The following ADGRL3 variants were observed in gnomAD, a reference collection of about 807,000 sequenced individuals.
ADGRL3 encodes the protein adhesion G protein-coupled receptor L3.
In ADGRL3, 62 loss-of-function variants were observed where a neutral mutation model predicts 153.5. The observed-to-expected ratio is 0.40, with a 90% CI of 0.33 to 0.50. ADGRL3 has a LOEUF of 0.50. ADGRL3 is among the 20% of genes least tolerant of loss of function. ADGRL3 has a pLI of 0.47. For synonymous variants in ADGRL3, 710 were observed against 672.5 expected (o/e 1.06, Z -0.86); for missense variants, 1,641 against 1,859.4 (o/e 0.88, Z 2.16).
intron 9 of ADGRL3, among the ~76,000 whole-genome samples, chr4:61,823,299 T>G (rs1357895774): frequency 6.6e-6 from 1 of 152,242 alleles, no homozygotes; most frequent in Admixed American, 6.5e-5. Flanking sequence ...ATCACAAGTT[T>G]TGACAGAGGT....
chr4:61,441,006 T>C (rs759764102), intron 2 of ADGRL3, among the ~76,000 whole-genome samples: 39 of 152,216 alleles, frequency 2.6e-4, no homozygotes, highest in Non-Finnish European at 3.5e-4. Flanking sequence ...TGAGAGATTA[T>C]AGACTTACTC....
At chr4:61,219,527 A>G (rs1744405169) in intron 1 of ADGRL3, among the ~76,000 whole-genome samples, 1 of 152,218 alleles carries the variant, frequency 6.6e-6, no homozygotes, top group Admixed American at 6.5e-5. Flanking sequence ...TCATTACTGA[A>G]GTCAGGGAAT....
At chr4:61,873,585 A>G (rs2098458074) in intron 9 of ADGRL3, among the ~76,000 whole-genome samples, 1 of 152,134 alleles carries the variant, frequency 6.6e-6, no homozygotes, top group South Asian at 2.1e-4. Context: ...TTTATTTACA[A>G]CCTTTGAGCC....
At chr4:61,811,309 G>C (rs7676199) in intron 8 of ADGRL3, among the ~76,000 whole-genome samples, 8,134 of 151,986 alleles carry the variant, frequency 0.054, 365 homozygotes, top group African/African-American at 0.12. Context: ...AAGGAGTAAA[G>C]TACTGCTTTG....
At chr4:61,280,609 T>G (rs897083052) in intron 1 of ADGRL3, among the ~76,000 whole-genome samples, 2 of 152,092 alleles carry the variant, frequency 1.3e-5, no homozygotes, top group African/African-American at 4.8e-5. Context: ...CTGAAATTAT[T>G]TTTCCTGAGA....
chr4:61,557,751 T>A (rs1266186771), intron 4 of ADGRL3, among the ~76,000 whole-genome samples: 3 of 152,042 alleles, frequency 2.0e-5, no homozygotes, highest in African/African-American at 7.2e-5. Context: ...GTATATACTT[T>A]GGCTATTTTG....
intron 25 of ADGRL3, among the ~76,000 whole-genome samples, chr4:62,060,845 C>A (rs1047764938): frequency 7.2e-5 from 11 of 151,740 alleles, no homozygotes; most frequent in African/African-American, 2.7e-4. Flanking sequence ...TGAAAATCTG[C>A]CATTGCACTA....
intron 15 of ADGRL3, among the ~76,000 whole-genome samples, chr4:61,941,284 G>C (rs1378364919): frequency 7.6e-6 from 1 of 131,136 alleles, no homozygotes; most frequent in African/African-American, 2.9e-5. Context: ...CTGTTCCATT[G>C]ATCTATATCT....
At chr4:61,893,709 CT>C (rs34248874) in intron 10 of ADGRL3, among the ~76,000 whole-genome samples, 52 of 97,440 alleles carry the variant, frequency 5.3e-4, no homozygotes, top group South Asian at 2.5e-3. Flanking sequence ...ATTTCTTTGC[CT>C]TTTTTTTTTT....
At chr4:61,891,970 A>G (rs924955341) in intron 9 of ADGRL3, among the ~76,000 whole-genome samples, 2 of 152,310 alleles carry the variant, frequency 1.3e-5, no homozygotes, top group African/African-American at 2.4e-5. Context: ...TCCCATTCAA[A>G]CAATCTTGTT....
intron 9 of ADGRL3, among the ~76,000 whole-genome samples, chr4:61,847,645 A>T: frequency 3.0e-5 from 2 of 66,744 alleles, no homozygotes; most frequent in African/African-American, 1.3e-4. Flanking sequence ...TATATATATA[A>T]TATAAAATAT....
intron 2 of ADGRL3, among the ~76,000 whole-genome samples, chr4:61,429,817 A>G (rs1403307906): frequency 6.6e-6 from 1 of 152,138 alleles, no homozygotes; most frequent in African/African-American, 2.4e-5. Context: ...AAATGAAGTA[A>G]TTTTTTAAGG....
At chr4:61,982,150 A>C (rs1018043575) in intron 18 of ADGRL3, among the ~76,000 whole-genome samples, 2 of 152,200 alleles carry the variant, frequency 1.3e-5, no homozygotes, top group African/African-American at 2.4e-5. Context: ...TTTCATTTAG[A>C]GACCTTATTC....
chr4:61,333,908 G>T (rs1193383590), intron 1 of ADGRL3, among the ~76,000 whole-genome samples: 1 of 144,476 alleles, frequency 6.9e-6, no homozygotes, highest in African/African-American at 2.5e-5. Context: ...GAGCCACTGT[G>T]CCCTGCCTGT....
intron 3 of ADGRL3, among the ~76,000 whole-genome samples, chr4:61,509,983 C>T (rs1283859832): frequency 1.3e-5 from 2 of 152,096 alleles, no homozygotes; most frequent in Admixed American, 6.6e-5. Context: ...GATGGTATCT[C>T]ATTGAGGTTT....
intron 9 of ADGRL3, among the ~76,000 whole-genome samples, chr4:61,846,705 G>T (rs550576153): frequency 6.6e-6 from 1 of 151,978 alleles, no homozygotes; most frequent in Non-Finnish European, 1.5e-5. Flanking sequence ...TCACAATTCT[G>T]CAGGTCGTAC....
At chr4:61,386,686 G>T (rs796499999) in intron 2 of ADGRL3, among the ~76,000 whole-genome samples, 10 of 151,966 alleles carry the variant, frequency 6.6e-5, no homozygotes, top group African/African-American at 2.4e-4. Context: ...GAAAAATATG[G>T]CAACAAATAA....
chr4:61,931,407 A>G (rs1044386228), intron 13 of ADGRL3, among the ~76,000 whole-genome samples: 2 of 152,186 alleles, frequency 1.3e-5, no homozygotes, highest in South Asian at 2.1e-4. Flanking sequence ...AGTAAAAACA[A>G]GGTTGCAACT....
intron 9 of ADGRL3, among the ~76,000 whole-genome samples, chr4:61,858,079 A>G (rs1029826213): frequency 6.6e-6 from 1 of 152,246 alleles, no homozygotes; most frequent in Non-Finnish European, 1.5e-5. Context: ...GTGGGAAAAG[A>G]TAATGTATTA....
Sources: allele counts gnomAD v4.1 joint callset (sites outside exome capture counted in the v4.1 genomes callset), GRCh38; gene constraint gnomAD v4.1.1; transcripts MANE v1.5; gene names NCBI Gene and HGNC (gene_info 2026-07-23, HGNC 2026-07-21).